NUDT9: variants seen among roughly 807,000 people sequenced by gnomAD.
The protein encoded by NUDT9 is nudix hydrolase 9, also known as ADP-ribose pyrophosphatase.
In NUDT9, 31 loss-of-function variants were observed where a neutral mutation model predicts 41.0. The observed-to-expected ratio is 0.76, with a 90% CI of 0.57 to 1.02. The LOEUF (loss-of-function observed/expected upper bound fraction) is 1.02, where lower values mean the gene tolerates loss of function less well. Among genes scored for constraint, NUDT9 ranks in the 50% least tolerant of loss-of-function variants. NUDT9 has a pLI of 0.00. For synonymous variants in NUDT9, 146 were observed against 147.6 expected, an observed-to-expected ratio of 0.99 and a Z score of 0.08; for missense variants, 380 against 431.4, an observed-to-expected ratio of 0.88 and a Z score of 1.06.
chr4:87,448,659 T>G (rs573059016), intron 4 of NUDT9, among the ~76,000 whole-genome samples: 1 of 152,182 alleles, frequency 6.6e-6, no homozygotes, highest in East Asian at 1.9e-4. Flanking sequence ...TTTTTATTTT[T>G]TGTAGAGATG....
Position 87,454,353 on chromosome 4 carries a change from G to A in NUDT9, c.790-18G>A. On this transcript the variant is annotated intron_variant, in intron 6 of 7. Transcript: ENST00000302174. ...TACACCTTGGACTTTTAAAAAATTTGTCTTCTTTTGAAAATAGATATATAA... is the reference window on the plus strand; with the variant it reads ...TACACCTTGGACTTTTAAAAAATTTATCTTCTTTTGAAAATAGATATATAA... 2.0e-6 allele frequency: 3 copies of A among 1,518,110 alleles called. No individual in the cohort carries two copies. Among genetic ancestry groups the A allele is most frequent in the Non-Finnish European group, 2.7e-6 (3 of 1,093,072 alleles). 94.0% of individuals were successfully genotyped at this position (1,518,110 alleles called of 1,614,324 possible).
chr4:87,445,803 TAATA>T (rs1722419392), intron 4 of NUDT9, among the ~76,000 whole-genome samples: 1 of 152,210 alleles, frequency 6.6e-6, no homozygotes, highest in African/African-American at 2.4e-5. Context: ...TATTTAATAC[TAATA>T]AATAATATAG....
chr4:87,451,107 T>A (rs1318453873), intron 5 of NUDT9, among the ~76,000 whole-genome samples: 3 of 152,200 alleles, frequency 2.0e-5, no homozygotes, highest in Non-Finnish European at 4.4e-5. Flanking sequence ...AGGAGGTGCA[T>A]GTTAGGTAAC....
At chr4:87,437,708 G>A (rs950390902) in intron 2 of NUDT9, among the ~76,000 whole-genome samples, 1 of 152,148 alleles carries the variant, frequency 6.6e-6, no homozygotes, top group Non-Finnish European at 1.5e-5. Context: ...ACATAGCTCT[G>A]TAAACCACTG....
Position 87,438,889 on chromosome 4 carries a change from G to A in NUDT9, c.443+517G>A, listed in dbSNP as rs182093855. The stretch of plus-strand genomic sequence containing the variant: ...CAGTGCTATACAGACATACCTGGCC[G>A]GGCGCAGTGGCTCACGCCTGTAATC... On this transcript the variant is annotated intron_variant, in intron 3 of 7. Transcript: ENST00000302174. 1.5e-4 allele frequency among the ~76,000 whole-genome samples: 23 copies of A among 152,218 alleles called. No homozygotes were observed. The East Asian group carries it at 4.2e-3, about 28-fold the overall frequency.
chr4:87,441,899 G>C lies in NUDT9; in HGVS notation c.514G>C (p.Asp172His). The change falls in exon 4 of 8, where the codon GAT becomes CAT. Residue 172 changes from aspartate to histidine, a missense_variant. Coordinates refer to ENST00000302174, the MANE Select transcript of NUDT9 (RefSeq NM_024047.5). ...GCGATGGGGCCCAAATCACGCTGCA[G>C]ATCCCATTATAACCAGGTAAGAACC... is the stretch of plus-strand genomic sequence containing the variant. ...LGRWGPNHAA[D>H]PIITRWKRDS... 6.2e-7 allele frequency: 1 copy of C among 1,611,310 alleles called. No individual in the cohort carries two copies. Among genetic ancestry groups the C allele is most frequent in the South Asian group, 1.1e-5 (1 of 90,548 alleles).
chr4:87,444,894 G>T (rs1217379897), intron 4 of NUDT9, among the ~76,000 whole-genome samples: 1 of 152,140 alleles, frequency 6.6e-6, no homozygotes, highest in East Asian at 1.9e-4. Context: ...TTAAGTTGAT[G>T]TTCTTTGTTA....
chr4:87,451,292 CTG>C (rs1722697804), intron 5 of NUDT9, among the ~76,000 whole-genome samples: 1 of 152,148 alleles, frequency 6.6e-6, no homozygotes, highest in African/African-American at 2.4e-5. Flanking sequence ...AATCAATGTG[CTG>C]TGTTATTTCT....
chr4:87,428,053 G>A (rs1195956234), intron 1 of NUDT9, among the ~76,000 whole-genome samples: 2 of 152,136 alleles, frequency 1.3e-5, no homozygotes, highest in Non-Finnish European at 2.9e-5. Flanking sequence ...TGAACCTACT[G>A]CTTTTAGTAA....
Position 87,451,620 on chromosome 4 carries a change from C to T in NUDT9, c.674C>T (p.Ala225Val). ...GTGGATCCAGGAGAGAAGATTAGTGCCACACTGAAAAGAGAATTTGGTGAG... is the reference window on the plus strand; with the variant it reads ...GTGGATCCAGGAGAGAAGATTAGTGTCACACTGAAAAGAGAATTTGGTGAG... ...GMVDPGEKIS[A>V]TLKREFGEEA... Residue 225 changes from alanine (A) to valine (V), a missense_variant, in exon 6 of 8, where the codon GCC (alanine) becomes GTC (valine). Coordinates refer to ENST00000302174, the MANE Select transcript of NUDT9 (RefSeq NM_024047.5). 6.2e-7 allele frequency: 1 copy of T among 1,613,608 alleles called. No homozygotes were observed. Among genetic ancestry groups the T allele is most frequent in the Non-Finnish European group, 8.5e-7 (1 of 1,179,726 alleles).
intron 5 of NUDT9, among the ~76,000 whole-genome samples, chr4:87,451,308 C>T (rs182469364): frequency 9.9e-4 from 151 of 152,250 alleles, no homozygotes; most frequent in Non-Finnish European, 1.9e-3. Context: ...TATTTCTAAC[C>T]TCCAGTCCTT....
In NUDT9 at chr4:87,422,988, G is replaced by C. The variant is rs965310388; in HGVS notation, c.83G>C (p.Arg28Pro). The change falls in exon 1 of 8, where the codon CGC becomes CCC. Residue 28 changes from arginine (R) to proline (P), a missense_variant. Arg to Pro is a moderately radical substitution (Grantham distance 103). Transcript: ENST00000302174. The stretch of plus-strand genomic sequence containing the variant: ...GCCTCTGTGACTATCAGGTCCTCGC[G>C]CTGCCGCGGCATCCAGGCGTTCAGG... Reference protein sequence around the residue: ...ALASVTIRSSRCRGIQAFRNS... With the variant: ...ALASVTIRSSPCRGIQAFRNS... The C allele has an allele frequency of 6.2e-7, 1 of 1,612,766 alleles. No individual in the cohort carries two copies. Among genetic ancestry groups the C allele is most frequent in the African/African-American group, 1.3e-5 (1 of 74,904 alleles).
chr4:87,443,671 T>G (rs1484326180), intron 4 of NUDT9, among the ~76,000 whole-genome samples: 2 of 152,132 alleles, frequency 1.3e-5, no homozygotes, highest in Non-Finnish European at 2.9e-5. Flanking sequence ...AAGAAAGGCT[T>G]TATAAAGCAG....
At chr4:87,424,559 G>A (rs1721321031) in intron 1 of NUDT9, among the ~76,000 whole-genome samples, 1 of 152,138 alleles carries the variant, frequency 6.6e-6, no homozygotes, top group South Asian at 2.1e-4. Flanking sequence ...ACCGCGCCCG[G>A]CCTTGGTGCA....
chr4:87,452,809 GTTTT>G (rs376368372), intron 6 of NUDT9, among the ~76,000 whole-genome samples: 2 of 110,862 alleles, frequency 1.8e-5, no homozygotes, highest in Admixed American at 1.1e-4. Flanking sequence ...AAATAACAGA[GTTTT>G]TTTTTTTTTT....
intron 1 of NUDT9, among the ~76,000 whole-genome samples, chr4:87,429,882 T>G (rs1451877712): frequency 6.6e-6 from 1 of 152,118 alleles, no homozygotes; most frequent in East Asian, 1.9e-4. Context: ...ATATGGCTCC[T>G]TCTATATATG....
rs58056158 is a variant in NUDT9 at position 87,432,770 on chromosome 4, T to G, written c.108-2211T>G. Among the ~76,000 whole-genome samples the G allele has an allele frequency of 8.7e-3, 1,271 of 146,142 alleles. 20 individuals carry two copies. Among genetic ancestry groups the G allele is most frequent in the African/African-American group, 0.032 (1,208 of 37,840 alleles). On this transcript the variant is annotated intron_variant, in intron 1 of 7. Transcript: ENST00000302174. The stretch of plus-strand genomic sequence containing the variant: ...TCTGCATCAATCAAGAAGATTGTGT[T>G]TTTTTTTTTTATTTTGTTAATGTGA...
chr4:87,438,651 G>T (rs978940637), intron 3 of NUDT9, among the ~76,000 whole-genome samples: 1 of 152,082 alleles, frequency 6.6e-6, no homozygotes, highest in African/African-American at 2.4e-5. Flanking sequence ...AGAAATAATT[G>T]AATACATTAA....
chr4:87,433,712 A>G (rs894479835), intron 1 of NUDT9, among the ~76,000 whole-genome samples: 5 of 152,350 alleles, frequency 3.3e-5, no homozygotes, highest in African/African-American at 1.2e-4. Context: ...ATTAGAAGTC[A>G]TTTAACTTTT....
Sources: gnomAD v4.1 joint callset for allele counts (sites outside exome capture counted in the v4.1 genomes callset) on GRCh38, gnomAD v4.1.1 for gene constraint, MANE v1.5 for transcripts, NCBI Gene and HGNC (gene_info 2026-07-23, HGNC 2026-07-21) for gene names.